The following COLEC12 variants were observed in gnomAD, a reference collection of about 807,000 sequenced individuals.
The protein encoded by COLEC12 is collectin subfamily member 12, also known as collectin-12.
Under a neutral mutation model 71.1 loss-of-function variants are expected in COLEC12, and 33 were observed. That is an observed-to-expected ratio of 0.46 (90% CI 0.35 to 0.62). COLEC12 has a LOEUF of 0.62. Among genes scored for constraint, COLEC12 ranks in the 20% least tolerant of loss-of-function variants. The pLI is 0.00. For missense variants in COLEC12, 765 were observed against 916.1 expected (o/e 0.84, Z 2.13); for synonymous variants, 350 against 353.0 (o/e 0.99, Z 0.10).
At position 383,607 on chromosome 18, in the gene COLEC12, C is replaced by T. The variant is rs1267516564; in HGVS notation, c.59-26085G>A. 7.7e-4 allele frequency among the ~76,000 whole-genome samples: 118 copies of T among 152,294 alleles called. 1 individual carries two copies. The highest frequency in any genetic ancestry group is 1.9e-4 in the East Asian group (1 of 5,186). On this transcript the variant is annotated intron_variant, in intron 2 of 9. Coordinates refer to ENST00000400256, the MANE Select transcript of COLEC12 (RefSeq NM_130386.3). ...AGAAACAACCATGAGTTTTAGCTTA[C>T]GGAGAGATCTATCCATTCAACAATA...
Position 480,593 on chromosome 18 carries a change from A to G in COLEC12, c.58+114T>C. ...CCAACCAAAATTGGACCTCAGAGCCACAAACACCCATGTGCATGAAGGGCC... is the reference window on the plus strand; with the variant it reads ...CCAACCAAAATTGGACCTCAGAGCCGCAAACACCCATGTGCATGAAGGGCC... On this transcript the variant is annotated intron_variant, in intron 2 of 9. Transcript: ENST00000400256. This position sits in a 1 kb window ranked among gnomAD's most constrained non-coding sequence, Gnocchi z 4.1. 2 of 935,486 alleles carry G rather than the reference A, an allele frequency of 2.1e-6. No homozygotes were observed. The highest frequency in any genetic ancestry group is 3.5e-6 in the Non-Finnish European group (2 of 566,658). The allele number at this position is 935,486 out of a possible 1,614,324, so 57.9% of individuals were successfully genotyped here.
chr18:499,145 A>C (rs1054031480), intron 1 of COLEC12, among the ~76,000 whole-genome samples: 1 of 152,106 alleles, frequency 6.6e-6, no homozygotes, highest in African/African-American at 2.4e-5. Context: ...CAGCTAAGGA[A>C]TGTGTGTATT....
rs956962946 is a variant in COLEC12, at chr18:327,458, G to C, written c.2063+4210C>G. ...TCACGCCACCCTTTCCCCTCAGCTG[G>C]TCCTGTCCTGCTGCGGTGCAGAAAG... On this transcript the variant is annotated intron_variant, in intron 8 of 9. Coordinates refer to ENST00000400256, the MANE Select transcript of COLEC12 (RefSeq NM_130386.3). The surrounding 1 kb of genome is among the most constrained non-coding windows in gnomAD (Gnocchi z 4.0). Among the ~76,000 whole-genome samples, 3 of 152,130 alleles carry C rather than the reference G, an allele frequency of 2.0e-5. No individual in the cohort carries two copies. Among genetic ancestry groups the C allele is most frequent in the African/African-American group, 7.2e-5 (3 of 41,436 alleles).
chr18:332,903 C>T (rs1914016087), intron 7 of COLEC12, 104 bp downstream of exon 7: 1 of 1,052,898 alleles, frequency 9.5e-7, no homozygotes, highest in Admixed American at 2.6e-5. Context: ...GTTTACGTGA[C>T]TAGGAATTCG....
intron 4 of COLEC12, among the ~76,000 whole-genome samples, chr18:347,732 T>C (rs1914416710): frequency 6.6e-6 from 1 of 152,230 alleles, no homozygotes; most frequent in Non-Finnish European, 1.5e-5. Flanking sequence ...TCTACAATTC[T>C]ATGTAGTTTA....
In COLEC12 at chr18:429,625, G is replaced by GC. The variant is rs1212520572; in HGVS notation, c.58+51081dup. 8.1e-4 allele frequency among the ~76,000 whole-genome samples: 123 copies of GC among 152,142 alleles called. 1 individual carries two copies. Among genetic ancestry groups the GC allele is most frequent in the Admixed American group, 2.4e-3 (37 of 15,284 alleles). On this transcript the variant is annotated intron_variant, in intron 2 of 9. Coordinates refer to ENST00000400256, the MANE Select transcript of COLEC12 (RefSeq NM_130386.3). Reference sequence around the variant, plus strand: ...TCAAACTGCTGACCTCAAGCGAACCGCCCCCGTCAACCTCCCAAAGTTCTG... The same window carrying GC: ...TCAAACTGCTGACCTCAAGCGAACCGCCCCCCGTCAACCTCCCAAAGTTCTG...
intron 2 of COLEC12, among the ~76,000 whole-genome samples, chr18:451,540 G>A (rs1916760746): frequency 6.6e-6 from 1 of 152,276 alleles, no homozygotes; most frequent in East Asian, 1.9e-4. Flanking sequence ...AAGGTCAGGA[G>A]TTCAAGACCA....
Position 347,033 on chromosome 18 carries a change from A to G in COLEC12, c.589T>C (p.Tyr197His), listed in dbSNP as rs1450175154. Residue 197 changes from tyrosine to histidine, a missense_variant, in exon 5 of 10, where the codon TAT (tyrosine) becomes CAT (histidine). By Grantham distance (83) the Tyr-to-His change is moderately conservative. Transcript: ENST00000400256. ...TTCATGATGACCACATTATGAGAATACATTTGGTTCTGCAGATTGCCCTGG... is the reference window on the plus strand; with the variant it reads ...TTCATGATGACCACATTATGAGAATGCATTTGGTTCTGCAGATTGCCCTGG... ...VLQGNLQNQM[Y>H]SHNVVIMNLN... 1.5e-5 allele frequency: 25 copies of G among 1,614,100 alleles called. No homozygotes were observed. The highest frequency in any genetic ancestry group is 2.1e-5 in the Non-Finnish European group (25 of 1,180,040).
At chr18:337,447 G>A (rs1252117417) in intron 5 of COLEC12, among the ~76,000 whole-genome samples, 1 of 152,156 alleles carries the variant, frequency 6.6e-6, no homozygotes, top group Non-Finnish European at 1.5e-5. Context: ...AGAAGCTTAG[G>A]CTCTGGACTT....
intron 2 of COLEC12, among the ~76,000 whole-genome samples, chr18:404,356 A>C (rs1277174363): frequency 2.6e-5 from 4 of 152,242 alleles, no homozygotes; most frequent in Non-Finnish European, 5.9e-5. Context: ...AGAATTCCAA[A>C]ATGCTGTTTC....
At position 414,871 on chromosome 18, in the gene COLEC12, G is replaced by GT. The variant is rs1291801413; in HGVS notation, c.59-57350dup. Reference sequence around the variant, plus strand: ...CTGATTAAGGTCCAGTAATACATTTGTGAGTGTGGCCAAGAGATTTCAAGC... The same window carrying GT: ...CTGATTAAGGTCCAGTAATACATTTGTTGAGTGTGGCCAAGAGATTTCAAGC... On this transcript the variant is annotated intron_variant, in intron 2 of 9. Transcript: ENST00000400256. Among the ~76,000 whole-genome samples, 4 of 152,182 alleles carry GT rather than the reference G, an allele frequency of 2.6e-5. No individual in the cohort carries two copies. In the East Asian group the frequency reaches 7.7e-4, roughly 29 times the overall value.
At chr18:410,908 C>T (rs1915881075) in intron 2 of COLEC12, among the ~76,000 whole-genome samples, 1 of 152,226 alleles carries the variant, frequency 6.6e-6, no homozygotes, top group Admixed American at 6.5e-5. Flanking sequence ...CCCACCTCCA[C>T]CCATGCCAGC....
At chr18:492,024 G>A (rs576912641) in intron 1 of COLEC12, among the ~76,000 whole-genome samples, 2 of 152,298 alleles carry the variant, frequency 1.3e-5, no homozygotes, top group South Asian at 4.2e-4. Flanking sequence ...TATTTTGTAG[G>A]GGGGTAATTA....
At chr18:412,049 A>G (rs1915902495) in intron 2 of COLEC12, among the ~76,000 whole-genome samples, 1 of 152,198 alleles carries the variant, frequency 6.6e-6, no homozygotes, top group African/African-American at 2.4e-5. Context: ...GAAAAGTAAT[A>G]GAAGAAAAAA....
chr18:493,997 A>C (rs1469362257), intron 1 of COLEC12, among the ~76,000 whole-genome samples: 2 of 152,214 alleles, frequency 1.3e-5, no homozygotes, highest in African/African-American at 2.4e-5. Context: ...TAAAAAAAAA[A>C]CAGTGCTCCT....
At chr18:337,792 T>C (rs1231118677) in intron 5 of COLEC12, among the ~76,000 whole-genome samples, 1 of 152,206 alleles carries the variant, frequency 6.6e-6, no homozygotes, top group Non-Finnish European at 1.5e-5. Context: ...GCTGAACTTC[T>C]TGTCTCTTTG....
At chr18:394,077 T>C (rs981631910) in intron 2 of COLEC12, among the ~76,000 whole-genome samples, 1 of 152,226 alleles carries the variant, frequency 6.6e-6, no homozygotes, top group African/African-American at 2.4e-5. Flanking sequence ...AATGGGATGC[T>C]TTTTTTCCTA....
intron 3 of COLEC12, among the ~76,000 whole-genome samples, chr18:350,629 T>TA (rs112955441): frequency 0.13 from 19,421 of 150,918 alleles, 1,557 homozygotes; most frequent in South Asian, 0.23. Context: ...ATCAATAGCT[T>TA]AAAAAAAAAG....
At chr18:444,461 T>C (rs552754030) in intron 2 of COLEC12, among the ~76,000 whole-genome samples, 16 of 152,306 alleles carry the variant, frequency 1.1e-4, no homozygotes, top group African/African-American at 3.4e-4. Flanking sequence ...CCATCAGTAC[T>C]GTGAATAACC....
Sources: gnomAD v4.1 joint callset for allele counts (sites outside exome capture counted in the v4.1 genomes callset) on GRCh38, gnomAD v4.1.1 for gene constraint, Gnocchi (gnomAD v3.1) non-coding constraint, MANE v1.5 for transcripts, NCBI Gene and HGNC (gene_info 2026-07-23, HGNC 2026-07-21) for gene names.